SEC14L3: variants seen among roughly 807,000 people sequenced by gnomAD.
SEC14L3 encodes SEC14-like protein 3.
A neutral mutation model predicts 57.4 loss-of-function variants in SEC14L3; 56 were observed. That is an observed-to-expected ratio of 0.97 (90% CI 0.79 to 1.22). The LOEUF (loss-of-function observed/expected upper bound fraction) is 1.22, where lower values mean the gene tolerates loss of function less well. Ranked by LOEUF, SEC14L3 falls within the 50% of genes most tolerant of loss-of-function variation. SEC14L3 has a pLI of 0.00. For missense variants in SEC14L3, 485 were observed against 511.7 expected (o/e 0.95, Z 0.50); for synonymous variants, 173 against 194.4 (o/e 0.89, Z 0.92).
intron 8 of SEC14L3, 181 bp from the exon 9 acceptor site, chr22:30,462,373 G>C (rs1440007410): frequency 2.0e-6 from 1 of 504,804 alleles, no homozygotes; most frequent in Admixed American, 6.4e-5. Context: ...TTGTGTTGCT[G>C]TGGAAATGTG....
At chr22:30,449,026 T>C (rs898922300) in exon 13 of SEC14L3, 2 of 1,498,300 alleles carry the variant, frequency 1.3e-6, no homozygotes, top group Non-Finnish European at 1.8e-6. Context: ...AAGAATTAAC[T>C]GGAGACCACG....
chr22:30,455,172 T>TTATATTTAATATTTAATATAG (rs1311520494), downstream of SEC14L3, among the ~76,000 whole-genome samples: 9 of 116,134 alleles, frequency 7.7e-5, no homozygotes, highest in South Asian at 4.6e-4. Flanking sequence ...ATTTAATATA[T>TTATATTTAATATTTAATATAG]TATATTTAAT....
At chr22:30,454,964 GATATA>G (rs1935079080), downstream of SEC14L3, among the ~76,000 whole-genome samples, 3 of 37,244 alleles carry the variant, frequency 8.1e-5, no homozygotes, top group Non-Finnish European at 1.3e-4. Context: ...TCATATAATA[GATATA>G]TAATATATTA....
In SEC14L3 at chr22:30,462,654, C is replaced by T. The variant is rs1189042605; in HGVS notation, c.665-462G>A. Among the ~76,000 whole-genome samples the T allele has an allele frequency of 2.0e-5, 3 of 152,040 alleles. No homozygotes were observed. The East Asian group carries it at 5.8e-4, about 29-fold the overall frequency. On this transcript the variant is annotated intron_variant, in intron 8 of 11. Transcript: ENST00000215812. Reference sequence around the variant, plus strand: ...CCCAGGCTAGTCTCAAACTCCTGGGCTCAAATGATTGTCTTACCTGGGCCT... The same window carrying T: ...CCCAGGCTAGTCTCAAACTCCTGGGTTCAAATGATTGTCTTACCTGGGCCT...
chr22:30,461,856 C>T (rs1434572411), intron 9 of SEC14L3, 162 bp from the exon 10 acceptor site: 8 of 593,728 alleles, frequency 1.3e-5, no homozygotes, highest in Middle Eastern at 8.4e-4. Context: ...TGGGCCAGTG[C>T]GTCTGCTGGG....
At chr22:30,454,565 TTATA>T (rs1487745009), downstream of SEC14L3, among the ~76,000 whole-genome samples, 1 of 124,154 alleles carries the variant, frequency 8.1e-6, no homozygotes. Flanking sequence ...TATAATAATA[TTATA>T]TATAATCTAT....
intron 1 of SEC14L3, 131 bp downstream of exon 1, chr22:30,471,774 G>A (rs1935619800): frequency 3.8e-6 from 5 of 1,326,346 alleles, no homozygotes; most frequent in African/African-American, 2.9e-5. Flanking sequence ...GACCCTTTGG[G>A]AGGTAACACC....
chr22:30,452,462 T>A (rs1295987023), intron 12 of SEC14L3, among the ~76,000 whole-genome samples: 1 of 151,844 alleles, frequency 6.6e-6, no homozygotes, highest in Admixed American at 6.6e-5. Context: ...GCCAGGCTGG[T>A]CTCAAACTCC....
rs1382152332 is a variant in SEC14L3, at chr22:30,466,367, G to C, written c.547C>G (p.Pro183Ala). The change falls in exon 7 of 12, where the codon CCA becomes GCA. Residue 183 changes from proline to alanine, a missense_variant. Physicochemically the swap from Pro to Ala is conservative, Grantham distance 27. Transcript: ENST00000215812. ...EFFGLLEENY[P>A]ETLKFMLIVK... ...ATGAGCATGAACTTCAGGGTCTCTG[G>C]GTAATTCTCTTCAAGGAGGCCAAAG... 6.2e-7 allele frequency: 1 copy of C among 1,613,902 alleles called. No homozygotes were observed. The highest frequency in any genetic ancestry group is 1.7e-5 in the Admixed American group (1 of 59,986).
chr22:30,461,444 A>G lies in SEC14L3; in HGVS notation c.947T>C (p.Phe316Ser), dbSNP rs1287170522. Residue 316 changes from phenylalanine to serine, a missense_variant, in exon 11 of 12, where the codon TTC (phenylalanine) becomes TCC (serine). Transcript: ENST00000215812. ...CATCTTGGTCTTCAGGAAAACTCCG[A>G]AGCCGATGTCCGCACCATCAGATGA... is the stretch of plus-strand genomic sequence containing the variant. ...QFSSDGADIG[F>S]GVFLKTKMGE... 1 of 1,613,962 alleles carries G rather than the reference A, an allele frequency of 6.2e-7. No individual in the cohort carries two copies.
At chr22:30,454,811 T>TA (rs1935065938), downstream of SEC14L3, among the ~76,000 whole-genome samples, 6 of 45,872 alleles carry the variant, frequency 1.3e-4, no homozygotes, top group African/African-American at 7.3e-4. Context: ...TATTATATAT[T>TA]TTATATATTA....
At chr22:30,453,596 A>T (rs924143323) in intron 12 of SEC14L3, among the ~76,000 whole-genome samples, 1 of 152,142 alleles carries the variant, frequency 6.6e-6, no homozygotes, top group Admixed American at 6.6e-5. Context: ...TATTTTTAGT[A>T]GAGGCAGGGT....
At chr22:30,468,167 T>C (rs528875125) in intron 5 of SEC14L3, among the ~76,000 whole-genome samples, 3 of 151,904 alleles carry the variant, frequency 2.0e-5, no homozygotes, top group African/African-American at 7.2e-5. Context: ...TAATCCCAGC[T>C]ACTCAGGAGG....
downstream of SEC14L3, among the ~76,000 whole-genome samples, chr22:30,455,089 T>TATATTTAATATTA (rs1569225596): frequency 5.6e-5 from 4 of 71,492 alleles, no homozygotes; most frequent in African/African-American, 2.4e-4. Context: ...ATTAAATATT[T>TATATTTAATATTA]AATATATAAT....
At chr22:30,465,372 C>A (rs1389022076) in intron 7 of SEC14L3, among the ~76,000 whole-genome samples, 1 of 152,142 alleles carries the variant, frequency 6.6e-6, no homozygotes, top group South Asian at 2.1e-4. Flanking sequence ...TAACTGTGTT[C>A]TCTAGCCAGC....
rs752956074 is a variant in SEC14L3 at position 30,461,317 on chromosome 22, G to C, written c.1074C>G (p.Ala358=). 8.8e-6 allele frequency: 14 copies of C among 1,589,278 alleles called. No individual in the cohort carries two copies. The highest frequency in any genetic ancestry group is 6.9e-5 in the South Asian group (6 of 86,796). Residue 358 remains alanine, a synonymous_variant, in exon 11 of 12, where the codon GCC becomes GCG. Transcript: ENST00000215812. ...PEDGNLTCSE[A]GVYVLRFDNT... ...CAGCTGGGGCAGACTTACAGACGCC[G>C]GCCTCTGAGCAGGTGAGGTTCCCAT...
At chr22:30,467,211 G>T (rs1293864251) in intron 5 of SEC14L3, 134 bp from the exon 6 acceptor site, 1 of 1,186,794 alleles carries the variant, frequency 8.4e-7, no homozygotes, top group Non-Finnish European at 1.1e-6. Flanking sequence ...AGACTAACCA[G>T]TGAATGCATT....
chr22:30,468,685 C>G lies in SEC14L3; in HGVS notation c.246G>C (p.Lys82Asn). 1.9e-6 allele frequency: 3 copies of G among 1,613,738 alleles called. No individual in the cohort carries two copies. Among genetic ancestry groups the G allele is most frequent in the Non-Finnish European group, 2.5e-6 (3 of 1,179,706 alleles). ...LDWQPPEVIQ[K>N]YMPGGLCGYD... ...AGCCACACAGGCCCCCAGGCATGTA[C>G]TTCTGGATCACCTGGGCATGAAAAG... The change falls in exon 5 of 12, where the codon AAG (lysine) becomes AAC (asparagine). Residue 82 changes from lysine (K) to asparagine (N), a missense_variant. Physicochemically the swap from Lys to Asn is moderately conservative, Grantham distance 94 (BLOSUM62 0). Transcript: ENST00000215812.
At chr22:30,466,259 A>G in intron 7 of SEC14L3, 75 bp downstream of exon 7, 2 of 1,412,126 alleles carry the variant, frequency 1.4e-6, no homozygotes, top group Non-Finnish European at 2.0e-6. Context: ...ATCCTGGGAC[A>G]AAGACAGTGT....
Sources: gnomAD v4.1 joint callset for allele counts (sites outside exome capture counted in the v4.1 genomes callset) on GRCh38, gnomAD v4.1.1 for gene constraint, MANE v1.5 for transcripts, NCBI Gene and HGNC (gene_info 2026-07-23, HGNC 2026-07-21) for gene names.